Variants in LRP2 observed in about 807,000 individuals in gnomAD.
LRP2 encodes LDL receptor related protein 2.
Under a neutral mutation model 531.0 loss-of-function variants are expected in LRP2, and 172 were observed. That is an observed-to-expected ratio of 0.32 (90% confidence interval 0.29 to 0.37). The LOEUF is 0.37. Ranked by LOEUF, LRP2 falls within the 10% of genes least tolerant of loss-of-function variation. The pLI, the probability that LRP2 is intolerant of heterozygous loss-of-function variation, is 1.00. For missense variants in LRP2, 5,167 were observed against 5,868.3 expected, an observed-to-expected ratio of 0.88 and a Z score of 3.90; for synonymous variants, 1,992 against 2,027.6, an observed-to-expected ratio of 0.98 and a Z score of 0.47.
At chr2:169,245,707 C>A (rs910861449) in intron 21 of LRP2, among the ~76,000 whole-genome samples, 1 of 152,030 alleles carries the variant, frequency 6.6e-6, no homozygotes, top group Admixed American at 6.5e-5. Flanking sequence ...AAGGTTAAGA[C>A]CACCATTTCA....
chr2:169,228,072 GGTAA>G (rs1169505229), intron 31 of LRP2, among the ~76,000 whole-genome samples: 1 of 152,086 alleles, frequency 6.6e-6, no homozygotes, highest in Non-Finnish European at 1.5e-5. Context: ...GCATGCATCA[GGTAA>G]GTATTTCCCT....
At position 169,240,692 on chromosome 2, in the gene LRP2, C is replaced by A. The variant is rs12615180; in HGVS notation, c.4045+296G>T. The A allele has an allele frequency of 0.037, 20,488 of 558,086 alleles. 1,723 individuals are homozygous for A. The highest frequency in any genetic ancestry group is 0.29 in the East Asian group (10,319 of 35,186). The allele number at this position is 558,086 out of a possible 1,614,324, so 34.6% of individuals were successfully genotyped here. A position where few individuals can be genotyped will look rare whatever the true frequency, so the allele number is the denominator to read the frequency against. On this transcript the variant is annotated intron_variant, in intron 25 of 78. Coordinates refer to ENST00000649046, the MANE Select transcript of LRP2 (RefSeq NM_004525.3). Reference sequence around the variant, plus strand: ...GTTAGAAAAATTAATGAGCACATTACCAACAGAACCAAATTTAATTTGACA... The same window carrying A: ...GTTAGAAAAATTAATGAGCACATTAACAACAGAACCAAATTTAATTTGACA...
chr2:169,332,282 A>T (rs1395326544), intron 1 of LRP2, among the ~76,000 whole-genome samples: 1 of 152,236 alleles, frequency 6.6e-6, no homozygotes, highest in Non-Finnish European at 1.5e-5. Flanking sequence ...ACTGAATCTT[A>T]TAAACACCTT....
rs1394329067 is a variant in LRP2 at position 169,158,806 on chromosome 2, C to A, written c.11888-1304G>T. On this transcript the variant is annotated intron_variant, in intron 63 of 78. Transcript: ENST00000649046. ...TTAGTTCTCTTTTAGTGATGGGATTCAAATGATTTTTACTTTTGATTGTTA... is the reference window on the plus strand; with the variant it reads ...TTAGTTCTCTTTTAGTGATGGGATTAAAATGATTTTTACTTTTGATTGTTA... Among the ~76,000 whole-genome samples, 12 of 146,708 alleles carry A rather than the reference C, an allele frequency of 8.2e-5. No homozygotes were observed. The Admixed American group carries it at 8.2e-4, about 10-fold the overall frequency.
rs34102076 is a variant in LRP2, at chr2:169,177,565, T to C, written c.10393+238A>G. On this transcript the variant is annotated intron_variant, in intron 53 of 78. Coordinates refer to ENST00000649046, the MANE Select transcript of LRP2 (RefSeq NM_004525.3). ...CAAAAACAAAGGAAAAAAAAAAAGA[T>C]GATCTTGAAGAATTGAGCGAGTTTT... Among the ~76,000 whole-genome samples the C allele has an allele frequency of 6.6e-3, 1,005 of 151,138 alleles. 4 individuals carry two copies. Among genetic ancestry groups the C allele is most frequent in the Non-Finnish European group, 0.01 (691 of 67,784 alleles).
intron 58 of LRP2, among the ~76,000 whole-genome samples, chr2:169,171,114 G>T (rs1201066514): frequency 6.6e-6 from 1 of 151,500 alleles, no homozygotes; most frequent in Non-Finnish European, 1.5e-5. Flanking sequence ...CCTCTTATAG[G>T]ATTCAACATT....
intron 1 of LRP2, among the ~76,000 whole-genome samples, chr2:169,338,273 G>GAGAA (rs961399233): frequency 5.3e-5 from 7 of 131,160 alleles, no homozygotes; most frequent in African/African-American, 1.6e-4. Context: ...AAGAAAGAAA[G>GAGAA]AGAAAGAAAG....
At position 169,206,585 on chromosome 2, in the gene LRP2, C is replaced by A; in HGVS notation, c.7135G>T (p.Gly2379Cys). 1 of 1,614,108 alleles carries A rather than the reference C, an allele frequency of 6.2e-7. No homozygotes were observed. Among genetic ancestry groups the A allele is most frequent in the Non-Finnish European group, 8.5e-7 (1 of 1,180,036 alleles). Reference sequence around the variant, plus strand: ...TCTGTTGAAATGGCACAATTCTTGCCATCACTTTGCAGGGTCCCAAAGGCA... The same window carrying A: ...TCTGTTGAAATGGCACAATTCTTGCAATCACTTTGCAGGGTCCCAAAGGCA... Reference protein sequence around the residue: ...DCAFGTLQSDGKNCAISTENF... With the variant: ...DCAFGTLQSDCKNCAISTENF... Residue 2379 changes from glycine (G) to cysteine (C), a missense_variant, in exon 39 of 79, where the codon GGC (glycine) becomes TGC (cysteine). By Grantham distance (159) the Gly-to-Cys change is radical (BLOSUM62 -3). Around this residue, in one of 6 missense-constraint regions of LRP2, gnomAD observed 2,811 missense variants for 3,058.0 expected, o/e 0.92. Coordinates refer to ENST00000649046, the MANE Select transcript of LRP2 (RefSeq NM_004525.3).
intron 23 of LRP2, 145 bp from the exon 24 acceptor site, chr2:169,243,217 A>G: frequency 1.1e-6 from 1 of 887,884 alleles, no homozygotes; most frequent in South Asian, 1.5e-5. Flanking sequence ...TACACGTGCC[A>G]TGGTGGTTTG....
chr2:169,154,793 C>T (rs531712952), intron 65 of LRP2, among the ~76,000 whole-genome samples, 190 bp from the exon 66 acceptor site: 1 of 152,286 alleles, frequency 6.6e-6, no homozygotes, highest in Non-Finnish European at 1.5e-5. Context: ...TTGACATTCT[C>T]CACTTCAAGT....
chr2:169,287,523 G>A (rs747318536), intron 9 of LRP2, among the ~76,000 whole-genome samples: 3 of 152,136 alleles, frequency 2.0e-5, no homozygotes, highest in Non-Finnish European at 2.9e-5. Context: ...TGAGCCCAAC[G>A]ATTGTAGTTT....
chr2:169,170,412 G>A, intron 59 of LRP2, 139 bp downstream of exon 59: 1 of 760,642 alleles, frequency 1.3e-6, no homozygotes, highest in Non-Finnish European at 2.4e-6. Context: ...CAGAGCAGAA[G>A]ATACTGTGTT....
intron 36 of LRP2, 137 bp from the exon 37 acceptor site, chr2:169,212,344 A>G: frequency 9.3e-7 from 1 of 1,073,608 alleles, no homozygotes; most frequent in Non-Finnish European, 1.4e-6. Flanking sequence ...TTAGCAATCT[A>G]AAAACAACAT....
At chr2:169,337,017 T>C (rs963684352) in intron 1 of LRP2, among the ~76,000 whole-genome samples, 7 of 152,122 alleles carry the variant, frequency 4.6e-5, no homozygotes, top group South Asian at 4.2e-4. Context: ...TAGAGCCTTA[T>C]CTAGTTAAAT....
chr2:169,195,016 G>C (rs970143316), intron 46 of LRP2, among the ~76,000 whole-genome samples: 2 of 152,160 alleles, frequency 1.3e-5, no homozygotes, highest in African/African-American at 4.8e-5. Context: ...GCCTGATCCA[G>C]ATTTTTTGAA....
chr2:169,333,320 A>C (rs1475274955), intron 1 of LRP2, among the ~76,000 whole-genome samples: 1 of 152,114 alleles, frequency 6.6e-6, no homozygotes, highest in Non-Finnish European at 1.5e-5. Context: ...GATGAGACTA[A>C]GCGACCTCTG....
intron 71 of LRP2, among the ~76,000 whole-genome samples, chr2:169,142,104 G>C (rs1394249231): frequency 6.6e-6 from 1 of 152,114 alleles, no homozygotes; most frequent in Non-Finnish European, 1.5e-5. Context: ...TGCTAGTTAG[G>C]GACACTAGTT....
chr2:169,269,959 A>G (rs1683357503), intron 16 of LRP2, among the ~76,000 whole-genome samples: 1 of 152,202 alleles, frequency 6.6e-6, no homozygotes, highest in African/African-American at 2.4e-5. Context: ...ATGAACAGAC[A>G]CTTCTCAAAA....
intron 47 of LRP2, among the ~76,000 whole-genome samples, chr2:169,193,209 T>C (rs1174928634): frequency 2.0e-5 from 3 of 152,020 alleles, no homozygotes; most frequent in Non-Finnish European, 4.4e-5. Flanking sequence ...AGAGGACTGC[T>C]TGAGCCCAGT....
Sources: gnomAD v4.1 joint callset for allele counts (sites outside exome capture counted in the v4.1 genomes callset) on GRCh38, gnomAD v4.1.1 for gene constraint, gnomAD v4.1.1 regional missense constraint, MANE v1.5 for transcripts, NCBI Gene and HGNC (gene_info 2026-07-23, HGNC 2026-07-21) for gene names.